Variants in RORA observed in about 807,000 individuals in gnomAD.
RORA encodes nuclear receptor ROR-alpha.
Under a neutral mutation model 69.5 loss-of-function variants are expected in RORA, and 7 were observed. That is an observed-to-expected ratio of 0.10 (90% CI 0.06 to 0.19). RORA has a LOEUF of 0.19. RORA is among the 10% of genes least tolerant of loss of function. The pLI is 1.00. For synonymous variants in RORA, 261 were observed against 240.8 expected, an observed-to-expected ratio of 1.08 and a Z score of -0.78; for missense variants, 457 against 663.0, an observed-to-expected ratio of 0.69 and a Z score of 3.41.
At chr15:60,840,736 G>T (rs1409965742) in intron 1 of RORA, among the ~76,000 whole-genome samples, 2 of 152,204 alleles carry the variant, frequency 1.3e-5, no homozygotes, top group East Asian at 1.9e-4. Flanking sequence ...TCCCAGGAAT[G>T]GGGGGCTTAG....
chr15:60,789,702 TA>T (rs2035012027), intron 1 of RORA, among the ~76,000 whole-genome samples: 4 of 152,224 alleles, frequency 2.6e-5, no homozygotes, highest in Non-Finnish European at 5.9e-5. Flanking sequence ...CAGAAACCTA[TA>T]ACCATGAAAA....
At chr15:60,703,918 C>T (rs776554289) in intron 1 of RORA, among the ~76,000 whole-genome samples, 22 of 151,752 alleles carry the variant, frequency 1.4e-4, no homozygotes, top group Admixed American at 6.6e-5. Flanking sequence ...TAGAAGGACA[C>T]ATACCAAAAA....
chr15:60,816,069 ATAAACAGTATATGTATACTG>A (rs1567200770), intron 1 of RORA, among the ~76,000 whole-genome samples: 3,262 of 122,848 alleles, frequency 0.027, 112 homozygotes, highest in African/African-American at 0.049. Context: ...TTTATATACT[ATAAACAGTATATGTATACTG>A]TAAACAGTAT....
At chr15:60,992,049 T>C (rs575208008) in intron 1 of RORA, among the ~76,000 whole-genome samples, 213 of 152,146 alleles carry the variant, frequency 1.4e-3, no homozygotes, top group Non-Finnish European at 1.9e-3. Context: ...GAGAAGCAGA[T>C]GTGAAATAGT....
chr15:60,560,702 T>C (rs1287987865), intron 2 of RORA, among the ~76,000 whole-genome samples: 1 of 152,318 alleles, frequency 6.6e-6, no homozygotes, highest in South Asian at 2.1e-4. Context: ...TGTGTCTCAA[T>C]AAAAATAAGT....
chr15:60,825,794 T>C (rs546062821), intron 1 of RORA, among the ~76,000 whole-genome samples: 2 of 152,310 alleles, frequency 1.3e-5, no homozygotes, highest in South Asian at 2.1e-4. Context: ...TCTAAGATTG[T>C]CTTTAGTAGG....
intron 1 of RORA, among the ~76,000 whole-genome samples, chr15:60,874,187 T>C (rs1327474177): frequency 6.6e-6 from 1 of 152,168 alleles, no homozygotes; most frequent in Non-Finnish European, 1.5e-5. Flanking sequence ...ATTTTATGGG[T>C]TTTGTTTTTT....
intron 1 of RORA, among the ~76,000 whole-genome samples, chr15:61,054,010 C>T (rs2078055105): frequency 6.6e-6 from 1 of 151,558 alleles, no homozygotes; most frequent in Middle Eastern, 3.4e-3. Context: ...TAAAGGAATC[C>T]TTTCAAAGTA....
chr15:60,812,063 C>A (rs2072752107), intron 1 of RORA, among the ~76,000 whole-genome samples: 1 of 152,192 alleles, frequency 6.6e-6, no homozygotes, highest in Non-Finnish European at 1.5e-5. Flanking sequence ...TGTTTATAAG[C>A]ATGGCATCTC....
rs10630931 is a variant in RORA, at chr15:60,509,793, GA to G, written c.820+1432del. Among the ~76,000 whole-genome samples, 43 of 144,928 alleles carry G rather than the reference GA, an allele frequency of 3.0e-4. 1 individual carries two copies. Among genetic ancestry groups the G allele is most frequent in the African/African-American group, 8.2e-4 (32 of 39,196 alleles). On this transcript the variant is annotated intron_variant, in intron 5 of 10. Coordinates refer to ENST00000335670, the MANE Select transcript of RORA (RefSeq NM_134261.3). ...ATGGAAGGTTTTTGTTCTAGTTCAA[GA>G]AAAAAAAAAAAAAATCAAACCTACC...
intron 2 of RORA, among the ~76,000 whole-genome samples, chr15:60,609,356 A>T (rs2069029148): frequency 6.6e-6 from 1 of 152,178 alleles, no homozygotes; most frequent in South Asian, 2.1e-4. Flanking sequence ...AATAACATGG[A>T]ACATTAATGG....
intron 1 of RORA, among the ~76,000 whole-genome samples, chr15:60,931,685 G>C (rs1892377253): frequency 6.6e-6 from 1 of 152,178 alleles, no homozygotes. Context: ...CCCCTTATAG[G>C]CCACCAGCCA....
At chr15:60,514,464 A>G in intron 4 of RORA, 152 bp downstream of exon 4, 3 of 711,166 alleles carry the variant, frequency 4.2e-6, no homozygotes, top group Non-Finnish European at 7.1e-6. Context: ...TGTGAGTTCC[A>G]TGTAGCTGCC....
Position 61,212,477 on chromosome 15 carries a change from G to A in RORA, c.166+16576C>T, listed in dbSNP as rs189118467. Among the ~76,000 whole-genome samples, 60 of 152,288 alleles carry A rather than the reference G, an allele frequency of 3.9e-4. No individual in the cohort carries two copies. The East Asian group carries it at 0.01, about 26-fold the overall frequency. On this transcript the variant is annotated intron_variant, in intron 1 of 10. Coordinates refer to ENST00000335670, the MANE Select transcript of RORA (RefSeq NM_134261.3). ...TGCAATGGCGCAATCTCAGCTCCCTGCAACCTCTGCCTCCCAGGTTCGGGT... is the reference window on the plus strand; with the variant it reads ...TGCAATGGCGCAATCTCAGCTCCCTACAACCTCTGCCTCCCAGGTTCGGGT...
chr15:60,719,996 A>T (rs1302547761), intron 1 of RORA, among the ~76,000 whole-genome samples: 2 of 152,212 alleles, frequency 1.3e-5, no homozygotes, highest in South Asian at 2.1e-4. Context: ...TTTCAAGTCT[A>T]CAAAGCCCCA....
At chr15:60,949,011 G>A (rs148216493) in intron 1 of RORA, among the ~76,000 whole-genome samples, 20 of 152,262 alleles carry the variant, frequency 1.3e-4, no homozygotes, top group African/African-American at 4.3e-4. Context: ...TATTCTGAGC[G>A]GTGGACAAGA....
At chr15:60,777,222 A>G (rs11071558) in intron 1 of RORA, among the ~76,000 whole-genome samples, 30,453 of 152,162 alleles carry the variant, frequency 0.2, 3,476 homozygotes, top group African/African-American at 0.32. Context: ...AGTATATTCC[A>G]ATTAGTTAAG....
At chr15:61,187,588 C>A (rs2140911371) in intron 1 of RORA, among the ~76,000 whole-genome samples, 1 of 152,340 alleles carries the variant, frequency 6.6e-6, no homozygotes, top group South Asian at 2.1e-4. Context: ...CCACAGGGAA[C>A]AGCGCAGGGC....
At chr15:60,585,075 A>G (rs983142316) in intron 2 of RORA, among the ~76,000 whole-genome samples, 1 of 151,570 alleles carries the variant, frequency 6.6e-6, no homozygotes, top group African/African-American at 2.4e-5. Flanking sequence ...TGGTTATTCT[A>G]GCTCAGATCA....
Sources: allele counts gnomAD v4.1 joint callset (sites outside exome capture counted in the v4.1 genomes callset), GRCh38; gene constraint gnomAD v4.1.1; transcripts MANE v1.5; gene names NCBI Gene and HGNC (gene_info 2026-07-23, HGNC 2026-07-21).